ABCA13: variants seen among roughly 807,000 people sequenced by gnomAD.
ABCA13 encodes ATP binding cassette subfamily A member 13.
In ABCA13, 476 loss-of-function variants were observed where a neutral mutation model predicts 478.7. The observed-to-expected ratio is 0.99, with a 90% CI of 0.92 to 1.07. The LOEUF is 1.07. ABCA13 is among the 50% of genes least tolerant of loss of function. ABCA13 has a pLI of 0.00. For synonymous variants in ABCA13, 2,252 were observed against 2,158.9 expected (o/e 1.04, Z -1.20); for missense variants, 6,060 against 5,910.6 (o/e 1.03, Z -0.83).
intron 38 of ABCA13, among the ~76,000 whole-genome samples, chr7:48,394,122 G>A (rs1272769635): frequency 1.3e-5 from 2 of 152,124 alleles, no homozygotes; most frequent in African/African-American, 2.4e-5. Context: ...TCTGCCAACT[G>A]CCCTTCAAGG....
intron 3 of ABCA13, among the ~76,000 whole-genome samples, chr7:48,210,904 G>A (rs185795026): frequency 6.6e-6 from 1 of 152,188 alleles, no homozygotes; most frequent in East Asian, 1.9e-4. Flanking sequence ...TTGCTTTTCT[G>A]TTTAAATGAT....
intron 8 of ABCA13, among the ~76,000 whole-genome samples, chr7:48,237,779 C>G (rs1051347727): frequency 1.3e-5 from 2 of 152,246 alleles, no homozygotes; most frequent in African/African-American, 4.8e-5. Flanking sequence ...TCTCCTGTGA[C>G]CTCACTTCAG....
intron 48 of ABCA13, among the ~76,000 whole-genome samples, chr7:48,496,814 G>A (rs908777908): frequency 6.6e-6 from 1 of 151,732 alleles, no homozygotes; most frequent in Non-Finnish European, 1.5e-5. Context: ...ATTCTAGTTG[G>A]TATTTTCTTC....
At position 48,384,358 on chromosome 7, in the gene ABCA13, G is replaced by A. The variant is rs957975592; in HGVS notation, c.11336-3464G>A. 2.6e-5 allele frequency among the ~76,000 whole-genome samples: 4 copies of A among 152,390 alleles called. No homozygotes were observed. In the East Asian group the frequency reaches 5.8e-4, roughly 22 times the overall value. The stretch of plus-strand genomic sequence containing the variant: ...TTCTTGTTGTAAAAGGCAACCCAAA[G>A]CATCCTCATGACTGCACTTGCGTGT... On this transcript the variant is annotated intron_variant, in intron 35 of 61. Transcript: ENST00000435803.
intron 42 of ABCA13, among the ~76,000 whole-genome samples, chr7:48,451,124 A>G (rs1585379760): frequency 6.6e-6 from 1 of 151,600 alleles, no homozygotes; most frequent in South Asian, 2.1e-4. Flanking sequence ...CAGCCTCCCA[A>G]GTAGCTGGGA....
chr7:48,216,187 C>T (rs1460251787), intron 3 of ABCA13, among the ~76,000 whole-genome samples: 2 of 152,178 alleles, frequency 1.3e-5, no homozygotes, highest in Admixed American at 6.6e-5. Flanking sequence ...TTCAACGTGG[C>T]TCTACCATTT....
At chr7:48,482,929 C>A in intron 46 of ABCA13, 147 bp from the exon 47 acceptor site, 1 of 595,946 alleles carries the variant, frequency 1.7e-6, no homozygotes, top group Non-Finnish European at 2.9e-6. Context: ...ACCTGTCTGC[C>A]TGTGTGTTCA....
At chr7:48,434,562 G>A (rs1822573436) in intron 42 of ABCA13, among the ~76,000 whole-genome samples, 1 of 151,820 alleles carries the variant, frequency 6.6e-6, no homozygotes, top group Non-Finnish European at 1.5e-5. Context: ...TGCTTATGGT[G>A]GCAAACCCAA....
intron 46 of ABCA13, among the ~76,000 whole-genome samples, chr7:48,482,571 A>G (rs926751668): frequency 6.6e-6 from 1 of 151,452 alleles, no homozygotes; most frequent in African/African-American, 2.4e-5. Flanking sequence ...TTTACAAAAT[A>G]CAGAAAAAGA....
chr7:48,382,356 A>G (rs1282678204), intron 35 of ABCA13, among the ~76,000 whole-genome samples: 2 of 152,160 alleles, frequency 1.3e-5, no homozygotes, highest in African/African-American at 4.8e-5. Flanking sequence ...TAGAGAATAA[A>G]TAATATCCTC....
intron 31 of ABCA13, among the ~76,000 whole-genome samples, chr7:48,354,952 T>C (rs1304908936): frequency 1.3e-5 from 2 of 152,070 alleles, no homozygotes; most frequent in Non-Finnish European, 2.9e-5. Flanking sequence ...ATTCATTAAT[T>C]TATGAATTTA....
chr7:48,502,311 A>G (rs2130823722), intron 48 of ABCA13, among the ~76,000 whole-genome samples: 1 of 152,352 alleles, frequency 6.6e-6, no homozygotes, highest in South Asian at 2.1e-4. Flanking sequence ...AATGAAGGGC[A>G]ATAAATTCAT....
intron 55 of ABCA13, among the ~76,000 whole-genome samples, chr7:48,554,850 G>T (rs1785643641): frequency 6.9e-6 from 1 of 144,204 alleles, no homozygotes. Context: ...ATTATTATTT[G>T]ATTGCTCTGG....
At chr7:48,622,793 C>A (rs377375708) in intron 59 of ABCA13, among the ~76,000 whole-genome samples, 1 of 152,150 alleles carries the variant, frequency 6.6e-6, no homozygotes, top group Admixed American at 6.5e-5. Context: ...ATTTATTCCT[C>A]ATGACAATCC....
At chr7:48,409,618 G>T (rs1256963566) in intron 39 of ABCA13, among the ~76,000 whole-genome samples, 1 of 152,074 alleles carries the variant, frequency 6.6e-6, no homozygotes, top group South Asian at 2.1e-4. Flanking sequence ...AATACATGTG[G>T]TTACATCATC....
At chr7:48,350,900 G>A in intron 30 of ABCA13, 81 bp downstream of exon 30, 1 of 1,383,250 alleles carries the variant, frequency 7.2e-7, no homozygotes, top group Non-Finnish European at 9.8e-7. Context: ...CCCTAAAGGT[G>A]TCTTATGATA....
chr7:48,439,188 T>C (rs375111163), intron 42 of ABCA13, among the ~76,000 whole-genome samples: 2 of 152,266 alleles, frequency 1.3e-5, no homozygotes, highest in African/African-American at 4.8e-5. Context: ...CTCATAAAGC[T>C]GAATAAATGT....
In ABCA13 at chr7:48,489,192, G is replaced by A. The variant is rs748763993; in HGVS notation, c.13183-44G>A. On this transcript the variant is annotated intron_variant, in intron 47 of 61. Transcript: ENST00000435803. ...CAGAATAGTTGACAAACAGACTTAC[G>A]AGCTAATTTCGTGAGAGCCATTAAA... 21 of 1,467,560 alleles carry A rather than the reference G, an allele frequency of 1.4e-5. No homozygotes were observed. The South Asian group carries it at 1.9e-4, about 13-fold the overall frequency. 90.9% of individuals were successfully genotyped at this position (1,467,560 alleles called of 1,614,324 possible). A position where few individuals can be genotyped will look rare whatever the true frequency, so the allele number is the denominator to read the frequency against.
chr7:48,423,530 A>G (rs972753372), intron 41 of ABCA13, among the ~76,000 whole-genome samples: 8 of 152,152 alleles, frequency 5.3e-5, no homozygotes, highest in Non-Finnish European at 1.0e-4. Flanking sequence ...AGAACCCAAA[A>G]GGATGGGGCA....
Sources: gnomAD v4.1 joint callset for allele counts (sites outside exome capture counted in the v4.1 genomes callset) on GRCh38, gnomAD v4.1.1 for gene constraint, MANE v1.5 for transcripts, NCBI Gene and HGNC (gene_info 2026-07-23, HGNC 2026-07-21) for gene names.